CXCL13: variants seen among roughly 807,000 people sequenced by gnomAD.
CXCL13 encodes C-X-C motif chemokine 13.
CXCL13 carries 7 observed loss-of-function variants against 12.2 expected under a neutral mutation model. The observed-to-expected ratio is 0.57, with a 90% CI of 0.33 to 1.07. The LOEUF is 1.07. CXCL13 is among the 50% of genes least tolerant of loss of function. CXCL13 has a pLI of 0.04. For synonymous variants in CXCL13, 47 were observed against 42.4 expected, an observed-to-expected ratio of 1.11 and a Z score of -0.42; for missense variants, 113 against 127.4, an observed-to-expected ratio of 0.89 and a Z score of 0.55.
At chr4:77,550,015 C>T (rs1369262666) in intron 1 of CXCL13, among the ~76,000 whole-genome samples, 1 of 152,242 alleles carries the variant, frequency 6.6e-6, no homozygotes. Context: ...AGCTTCCTAG[C>T]TGCTTTGTTT....
chr4:77,538,414 A>G (rs1578043245), intron 1 of CXCL13, among the ~76,000 whole-genome samples: 1 of 144,120 alleles, frequency 6.9e-6, no homozygotes, highest in African/African-American at 2.6e-5. Context: ...GATTTATTCA[A>G]TGTCTTGTCT....
chr4:77,603,270 A>G (rs1726931463), upstream of CXCL13, among the ~76,000 whole-genome samples: 1 of 152,228 alleles, frequency 6.6e-6, no homozygotes, highest in Non-Finnish European at 1.5e-5. Flanking sequence ...TAGACACTGT[A>G]AGAAATTGAC....
intron 1 of CXCL13, among the ~76,000 whole-genome samples, chr4:77,553,963 G>A (rs534755223): frequency 1.3e-5 from 2 of 152,214 alleles, no homozygotes. Flanking sequence ...CATGGAAGAG[G>A]AATAGGTAAC....
chr4:77,588,122 C>A (rs906547653), intron 1 of CXCL13, among the ~76,000 whole-genome samples: 1 of 139,004 alleles, frequency 7.2e-6, no homozygotes, highest in Non-Finnish European at 1.5e-5. Flanking sequence ...TCTTTTCTGA[C>A]CCTACAAAGG....
chr4:77,587,269 C>G (rs1427719210), intron 1 of CXCL13, among the ~76,000 whole-genome samples: 3 of 152,178 alleles, frequency 2.0e-5, no homozygotes, highest in Non-Finnish European at 4.4e-5. Flanking sequence ...TCATTTCTCC[C>G]CACCACCATC....
chr4:77,591,006 A>G (rs1726592880), intron 1 of CXCL13, among the ~76,000 whole-genome samples: 1 of 152,084 alleles, frequency 6.6e-6, no homozygotes, highest in South Asian at 2.1e-4. Flanking sequence ...CAGCCTCCTA[A>G]GTAGCTGGGA....
chr4:77,550,648 G>A (rs1393540543), intron 1 of CXCL13, among the ~76,000 whole-genome samples: 1 of 152,200 alleles, frequency 6.6e-6, no homozygotes, highest in Non-Finnish European at 1.5e-5. Flanking sequence ...TTGATCAAAT[G>A]TTGAAGTTCA....
chr4:77,606,443 G>A (rs1727005426), intron 1 of CXCL13, among the ~76,000 whole-genome samples: 1 of 152,224 alleles, frequency 6.6e-6, no homozygotes, highest in African/African-American at 2.4e-5. Context: ...AAGTGGGGCA[G>A]CTATCTTTGT....
chr4:77,594,192 C>G (rs1447438933), intron 1 of CXCL13, among the ~76,000 whole-genome samples: 4 of 152,178 alleles, frequency 2.6e-5, no homozygotes, highest in Middle Eastern at 3.2e-3. Flanking sequence ...ATGTCTATCT[C>G]TGGAGGCTGC....
chr4:77,557,616 A>G (rs1256257696), intron 1 of CXCL13, among the ~76,000 whole-genome samples: 3 of 152,164 alleles, frequency 2.0e-5, no homozygotes, highest in Non-Finnish European at 1.5e-5. Flanking sequence ...GATAATTGCC[A>G]TTACCTGGCT....
At chr4:77,561,649 G>C (rs560480822) in intron 1 of CXCL13, among the ~76,000 whole-genome samples, 18 of 152,314 alleles carry the variant, frequency 1.2e-4, no homozygotes, top group Admixed American at 1.1e-3. Context: ...ATATGTCCCT[G>C]CCCCTTAGCA....
chr4:77,566,733 A>G (rs997126918), intron 1 of CXCL13, among the ~76,000 whole-genome samples: 13 of 152,152 alleles, frequency 8.5e-5, no homozygotes, highest in Admixed American at 5.2e-4. Flanking sequence ...GGCCCTTTTA[A>G]TCCTAAATTA....
At chr4:77,606,964 AAG>A (rs1190522371) in intron 1 of CXCL13, among the ~76,000 whole-genome samples, 3 of 152,226 alleles carry the variant, frequency 2.0e-5, no homozygotes, top group African/African-American at 7.2e-5. Context: ...GTTAAATAAA[AAG>A]ACTTTTGAAT....
At chr4:77,543,604 G>A (rs145644599) in intron 1 of CXCL13, among the ~76,000 whole-genome samples, 18 of 151,674 alleles carry the variant, frequency 1.2e-4, no homozygotes, top group Admixed American at 3.3e-4. Context: ...TCTTACTTTT[G>A]TTGTTTACCC....
In CXCL13 at chr4:77,560,042, G is replaced by A. The variant is rs964309593; in HGVS notation, c.-42-45782G>A. 2.0e-5 allele frequency among the ~76,000 whole-genome samples: 3 copies of A among 146,374 alleles called. No homozygotes were observed. In the South Asian group the frequency reaches 6.5e-4, roughly 32 times the overall value. ...ACACTTCTGTGACCACAGCAATGAGGTTGTTTTCTTTCTTTTTCTTTTTTT... is the reference window on the plus strand; with the variant it reads ...ACACTTCTGTGACCACAGCAATGAGATTGTTTTCTTTCTTTTTCTTTTTTT... On this transcript the variant is annotated intron_variant, in intron 1 of 4. Transcript: ENST00000286758.
At chr4:77,569,887 A>G (rs1273304583) in intron 1 of CXCL13, among the ~76,000 whole-genome samples, 5 of 152,260 alleles carry the variant, frequency 3.3e-5, no homozygotes, top group Non-Finnish European at 5.9e-5. Context: ...CTACAGGGCT[A>G]CAGTAACCAA....
At chr4:77,533,177 G>T (rs1724973233) in intron 1 of CXCL13, among the ~76,000 whole-genome samples, 1 of 152,088 alleles carries the variant, frequency 6.6e-6, no homozygotes, top group African/African-American at 2.4e-5. Context: ...ATCTACCTTT[G>T]GTCTTTGATG....
intron 1 of CXCL13, among the ~76,000 whole-genome samples, chr4:77,553,931 G>C (rs895336933): frequency 2.0e-5 from 3 of 152,156 alleles, no homozygotes. Flanking sequence ...TTTGCTAAAT[G>C]AGTAGACTAT....
intron 1 of CXCL13, among the ~76,000 whole-genome samples, chr4:77,535,498 A>C (rs768326350): frequency 6.6e-6 from 1 of 152,176 alleles, no homozygotes; most frequent in Non-Finnish European, 1.5e-5. Context: ...CTTACCATGA[A>C]GTGATGGAGA....
Sources: gnomAD v4.1 joint callset for allele counts (sites outside exome capture counted in the v4.1 genomes callset) on GRCh38, gnomAD v4.1.1 for gene constraint, MANE v1.5 for transcripts, NCBI Gene and HGNC (gene_info 2026-07-23, HGNC 2026-07-21) for gene names.